The following PTPRD variants were observed in gnomAD, a reference collection of about 807,000 sequenced individuals.
PTPRD encodes the protein protein tyrosine phosphatase receptor type D.
In PTPRD, 34 loss-of-function variants were observed where a neutral mutation model predicts 214.5. The observed-to-expected ratio is 0.16, with a 90% CI of 0.12 to 0.21. The LOEUF is 0.21. Among genes scored for constraint, PTPRD ranks in the 10% least tolerant of loss-of-function variants. The pLI, the probability that PTPRD is intolerant of heterozygous loss-of-function variation, is 1.00. For synonymous variants in PTPRD, 1,128 were observed against 845.7 expected (o/e 1.33, Z -5.79); for missense variants, 2,545 against 2,398.7 (o/e 1.06, Z -1.27).
chr9:8,786,374 G>T (rs1194038142), intron 11 of PTPRD, among the ~76,000 whole-genome samples: 3 of 149,342 alleles, frequency 2.0e-5, no homozygotes, highest in Non-Finnish European at 4.4e-5. Context: ...TTTGTTCCAG[G>T]CAGACAAAAA....
intron 11 of PTPRD, among the ~76,000 whole-genome samples, chr9:8,943,803 T>TA (rs890441154): frequency 2.0e-4 from 30 of 150,168 alleles, no homozygotes; most frequent in Admixed American, 1.5e-3. Flanking sequence ...ATGAAACCAC[T>TA]AAAAAAAATG....
At chr9:10,213,449 G>T (rs780107306) in intron 3 of PTPRD, among the ~76,000 whole-genome samples, 1 of 152,150 alleles carries the variant, frequency 6.6e-6, no homozygotes, top group Admixed American at 6.6e-5. Flanking sequence ...TTCACTATCT[G>T]TCAGGTGGAT....
chr9:8,484,024 C>G (rs2096946480), intron 30 of PTPRD, 95 bp downstream of exon 30: 2 of 1,443,976 alleles, frequency 1.4e-6, no homozygotes, highest in Non-Finnish European at 9.4e-7. Flanking sequence ...CTACATTAAG[C>G]AGTATCTTCT....
chr9:10,034,377 T>C (rs1055905389), intron 3 of PTPRD, among the ~76,000 whole-genome samples: 6 of 151,186 alleles, frequency 4.0e-5, no homozygotes, highest in African/African-American at 1.5e-4. Flanking sequence ...TATTTCTTCT[T>C]CTCGCACTCT....
intron 6 of PTPRD, among the ~76,000 whole-genome samples, chr9:9,742,580 C>T (rs2098415236): frequency 6.6e-6 from 1 of 151,972 alleles, no homozygotes. Flanking sequence ...TGTTTAGGAA[C>T]ATGTTATGCT....
chr9:10,386,613 T>C (rs2097918068), intron 2 of PTPRD, among the ~76,000 whole-genome samples: 1 of 151,206 alleles, frequency 6.6e-6, no homozygotes, highest in African/African-American at 2.4e-5. Flanking sequence ...CTGATAGAAG[T>C]CATTTTGCTG....
intron 2 of PTPRD, among the ~76,000 whole-genome samples, chr9:10,498,378 T>C (rs1314267996): frequency 6.6e-6 from 1 of 152,018 alleles, no homozygotes; most frequent in Non-Finnish European, 1.5e-5. Context: ...GTATTTTTGT[T>C]TGCATACCAA....
At chr9:8,941,203 T>A (rs1448223952) in intron 11 of PTPRD, among the ~76,000 whole-genome samples, 1 of 152,162 alleles carries the variant, frequency 6.6e-6, no homozygotes, top group Non-Finnish European at 1.5e-5. Flanking sequence ...TAAAAATGGG[T>A]AAATGTATCT....
At chr9:10,560,368 T>C (rs1198878525) in intron 2 of PTPRD, among the ~76,000 whole-genome samples, 1 of 139,008 alleles carries the variant, frequency 7.2e-6, no homozygotes, top group Non-Finnish European at 1.5e-5. Context: ...TGATAACACA[T>C]GGACACAGGA....
At chr9:10,117,453 G>C (rs186075205) in intron 3 of PTPRD, among the ~76,000 whole-genome samples, 1 of 152,204 alleles carries the variant, frequency 6.6e-6, no homozygotes, top group South Asian at 2.1e-4. Flanking sequence ...GAGGCTAGAA[G>C]TACAAAATCA....
At chr9:8,701,856 T>G (rs1036580096) in intron 12 of PTPRD, among the ~76,000 whole-genome samples, 4 of 152,206 alleles carry the variant, frequency 2.6e-5, no homozygotes, top group African/African-American at 9.6e-5. Context: ...TTTGTTTCTC[T>G]AAACTATACC....
chr9:10,438,960 A>C (rs1643400703), intron 2 of PTPRD, among the ~76,000 whole-genome samples: 1 of 151,720 alleles, frequency 6.6e-6, no homozygotes, highest in Admixed American at 6.6e-5. Context: ...ATCTCTGTGT[A>C]TCCACGCTTT....
At chr9:8,546,533 C>A (rs1406090722) in intron 14 of PTPRD, among the ~76,000 whole-genome samples, 1 of 151,662 alleles carries the variant, frequency 6.6e-6, no homozygotes, top group African/African-American at 2.4e-5. Context: ...GAGTCTCACT[C>A]TGTAGTCCAG....
At chr9:10,001,988 T>C (rs1415634885) in intron 4 of PTPRD, among the ~76,000 whole-genome samples, 2 of 152,022 alleles carry the variant, frequency 1.3e-5, no homozygotes, top group South Asian at 2.1e-4. Flanking sequence ...GGTTTAAAAT[T>C]ATAAAGATGT....
At chr9:9,319,760 A>G (rs994585033) in intron 9 of PTPRD, among the ~76,000 whole-genome samples, 25 of 152,180 alleles carry the variant, frequency 1.6e-4, no homozygotes, top group Non-Finnish European at 5.9e-5. Context: ...ATTTTCTAGG[A>G]GTAGTGATAA....
At chr9:9,919,161 G>A (rs73643820) in intron 5 of PTPRD, among the ~76,000 whole-genome samples, 1 of 151,976 alleles carries the variant, frequency 6.6e-6, no homozygotes, top group Admixed American at 6.6e-5. Flanking sequence ...TAAATTTTAG[G>A]GTGTTTTTGC....
At chr9:9,075,727 C>A (rs1412238832) in intron 10 of PTPRD, among the ~76,000 whole-genome samples, 5 of 152,020 alleles carry the variant, frequency 3.3e-5, no homozygotes, top group South Asian at 2.1e-4. Context: ...ATGTCCCTAC[C>A]AAGGACCTGA....
intron 12 of PTPRD, among the ~76,000 whole-genome samples, chr9:8,655,788 A>G (rs2096897610): frequency 7.3e-6 from 1 of 137,246 alleles, no homozygotes; most frequent in Non-Finnish European, 1.6e-5. Context: ...TTTCTTTTAT[A>G]TTACTGTATC....
intron 2 of PTPRD, among the ~76,000 whole-genome samples, chr9:10,449,911 C>T (rs895787843): frequency 5.3e-5 from 8 of 151,752 alleles, no homozygotes; most frequent in African/African-American, 2.0e-4. Flanking sequence ...AATTCTTCTG[C>T]CTTGGGATGC....
Sources: gnomAD v4.1 joint callset for allele counts (sites outside exome capture counted in the v4.1 genomes callset) on GRCh38, gnomAD v4.1.1 for gene constraint, MANE v1.5 for transcripts, NCBI Gene and HGNC (gene_info 2026-07-23, HGNC 2026-07-21) for gene names.